The following BMP5 variants were observed in gnomAD, a reference collection of about 807,000 sequenced individuals.
BMP5 encodes bone morphogenetic protein 5.
BMP5 carries 23 observed loss-of-function variants against 46.6 expected under a neutral mutation model. That is an observed-to-expected ratio of 0.49 (90% CI 0.35 to 0.70). BMP5 has a LOEUF of 0.70. BMP5 is among the 30% of genes least tolerant of loss of function. BMP5 has a pLI of 0.00. For synonymous variants in BMP5, 204 were observed against 191.9 expected (o/e 1.06, Z -0.52); for missense variants, 545 against 565.6 (o/e 0.96, Z 0.37).
intron 1 of BMP5, among the ~76,000 whole-genome samples, chr6:55,862,394 C>T (rs1777543890): frequency 6.6e-6 from 1 of 151,976 alleles, no homozygotes; most frequent in Non-Finnish European, 1.5e-5. Context: ...TCTCAGAATC[C>T]CCTTTTATTT....
intron 2 of BMP5, among the ~76,000 whole-genome samples, chr6:55,801,673 C>T (rs774740007): frequency 2.5e-4 from 38 of 152,214 alleles, no homozygotes; most frequent in Non-Finnish European, 4.6e-4. Context: ...TAAATCTCCA[C>T]TTTGCTCTTG....
intron 3 of BMP5, among the ~76,000 whole-genome samples, chr6:55,789,235 T>C (rs1775519215): frequency 6.6e-6 from 1 of 151,996 alleles, no homozygotes; most frequent in African/African-American, 2.4e-5. Context: ...AAAAAGTCAC[T>C]GGCAAAATTC....
chr6:55,853,078 C>T (rs753025956), intron 1 of BMP5, among the ~76,000 whole-genome samples: 14 of 150,718 alleles, frequency 9.3e-5, no homozygotes, highest in Non-Finnish European at 1.5e-4. Context: ...TGCAGTGAGC[C>T]GAGATCGCAC....
intron 1 of BMP5, among the ~76,000 whole-genome samples, chr6:55,841,181 T>C (rs773324425): frequency 3.3e-5 from 5 of 152,054 alleles, no homozygotes; most frequent in Non-Finnish European, 5.9e-5. Flanking sequence ...CATGGAAAAA[T>C]TGTCTTCCTC....
At chr6:55,764,551 G>C (rs937657993) in intron 4 of BMP5, among the ~76,000 whole-genome samples, 91 of 138,790 alleles carry the variant, frequency 6.6e-4, no homozygotes, top group Non-Finnish European at 1.0e-3. Context: ...CAGCCTGGGC[G>C]ACAGAGCAAG....
chr6:55,859,462 C>T (rs1777479716), intron 1 of BMP5, among the ~76,000 whole-genome samples: 1 of 152,074 alleles, frequency 6.6e-6, no homozygotes, highest in African/African-American at 2.4e-5. Flanking sequence ...AATTGTCTAG[C>T]TGATATTATT....
chr6:55,792,626 C>T (rs1775600132), intron 3 of BMP5, among the ~76,000 whole-genome samples: 1 of 151,902 alleles, frequency 6.6e-6, no homozygotes, highest in Non-Finnish European at 1.5e-5. Context: ...AACTTCATTC[C>T]ATATATACAA....
chr6:55,789,928 C>A (rs1775536791), intron 3 of BMP5, among the ~76,000 whole-genome samples: 1 of 152,072 alleles, frequency 6.6e-6, no homozygotes. Flanking sequence ...CATTGCAGTT[C>A]ATTTGTCAAA....
chr6:55,837,107 A>G (rs1776816028), intron 1 of BMP5, among the ~76,000 whole-genome samples: 1 of 151,024 alleles, frequency 6.6e-6, no homozygotes, highest in South Asian at 2.1e-4. Context: ...GCTGGAGTGC[A>G]GTGGCGCGAT....
Position 55,843,839 on chromosome 6 carries a change from G to T in BMP5, c.491-23992C>A, listed in dbSNP as rs1009225840. On this transcript the variant is annotated intron_variant, in intron 1 of 6. Coordinates refer to ENST00000370830, the MANE Select transcript of BMP5 (RefSeq NM_021073.4). ...TCAAAATTCATACTTTTATTATCCTGCCTTGAACAAAAAAAGATGTTTTAT... is the reference window on the plus strand; with the variant it reads ...TCAAAATTCATACTTTTATTATCCTTCCTTGAACAAAAAAAGATGTTTTAT... 4.0e-5 allele frequency among the ~76,000 whole-genome samples: 6 copies of T among 151,790 alleles called. No homozygotes were observed. The East Asian group carries it at 1.2e-3, about 29-fold the overall frequency.
chr6:55,833,071 A>G (rs962443794), intron 1 of BMP5, among the ~76,000 whole-genome samples: 1 of 152,144 alleles, frequency 6.6e-6, no homozygotes, highest in Non-Finnish European at 1.5e-5. Flanking sequence ...AGCTATGATC[A>G]TGCCACTGTA....
chr6:55,773,596 T>A (rs537261611), intron 4 of BMP5, among the ~76,000 whole-genome samples: 100 of 151,990 alleles, frequency 6.6e-4, no homozygotes, highest in Admixed American at 1.4e-3. Context: ...TTAATCATTG[T>A]CTTCTTATGT....
At chr6:55,779,121 A>C (rs1775246685) in intron 3 of BMP5, among the ~76,000 whole-genome samples, 1 of 152,120 alleles carries the variant, frequency 6.6e-6, no homozygotes, top group East Asian at 1.9e-4. Flanking sequence ...CTCTTCAGAC[A>C]CATGTTGATG....
At chr6:55,756,933 C>T (rs1344808389) in intron 6 of BMP5, among the ~76,000 whole-genome samples, 1 of 151,790 alleles carries the variant, frequency 6.6e-6, no homozygotes, top group Non-Finnish European at 1.5e-5. Context: ...TGCTTTCCTC[C>T]GTCTTTTTGT....
At chr6:55,770,038 C>T (rs1490649738) in intron 4 of BMP5, among the ~76,000 whole-genome samples, 1 of 151,740 alleles carries the variant, frequency 6.6e-6, no homozygotes, top group East Asian at 1.9e-4. Context: ...ACTTAGGGGT[C>T]CAAGGATTTT....
chr6:55,785,778 A>G (rs1775433054), intron 3 of BMP5, among the ~76,000 whole-genome samples: 1 of 151,602 alleles, frequency 6.6e-6, no homozygotes, highest in Non-Finnish European at 1.5e-5. Context: ...AGAAAGTAAC[A>G]CATGGCCATA....
intron 1 of BMP5, among the ~76,000 whole-genome samples, chr6:55,837,369 A>AGATAGATGATAGATAGATG (rs1554184998): frequency 1.3e-5 from 2 of 148,972 alleles, no homozygotes; most frequent in Non-Finnish European, 2.9e-5. Context: ...ATAGATAGAT[A>AGATAGATGATAGATAGATG]GATAGATAGA....
Position 55,774,041 on chromosome 6 carries a change from A to G in BMP5, c.1027+8T>C, listed in dbSNP as rs1412102551. 6 of 1,611,948 alleles carry G rather than the reference A, an allele frequency of 3.7e-6. No individual in the cohort carries two copies. Among genetic ancestry groups the G allele is most frequent in the Non-Finnish European group, 5.1e-6 (6 of 1,179,074 alleles). On this transcript the variant is annotated splice_region_variant and intron_variant, in intron 4 of 6. Transcript: ENST00000370830. ...CTGTGCATAACTGCTGCTCGGGTTT[A>G]TTCTTACCTCCAACACTGGACATTC...
intron 2 of BMP5, among the ~76,000 whole-genome samples, chr6:55,806,704 T>C (rs1775998749): frequency 6.6e-6 from 1 of 152,216 alleles, no homozygotes; most frequent in East Asian, 1.9e-4. Context: ...TCCACAAGAA[T>C]AGAATGTTTT....
Sources: allele counts gnomAD v4.1 joint callset (sites outside exome capture counted in the v4.1 genomes callset), GRCh38; gene constraint gnomAD v4.1.1; transcripts MANE v1.5; gene names NCBI Gene and HGNC (gene_info 2026-07-23, HGNC 2026-07-21).